NEBL: variants seen among roughly 807,000 people sequenced by gnomAD.
The protein encoded by NEBL is LIM and SH3 protein 2.
Under a neutral mutation model 140.2 loss-of-function variants are expected in NEBL, and 122 were observed. The ratio of observed to expected loss-of-function variants is 0.87; its 90% CI spans 0.75 to 1.01. NEBL has a LOEUF of 1.01. Among genes scored for constraint, NEBL ranks in the 50% least tolerant of loss-of-function variants. The pLI is 0.00. For missense variants in NEBL, 1,365 were observed against 1,231.3 expected, an observed-to-expected ratio of 1.11 and a Z score of -1.62; for synonymous variants, 436 against 398.9, an observed-to-expected ratio of 1.09 and a Z score of -1.11.
chr10:21,243,298 CTT>C (rs34974511), intron 3 of NEBL, among the ~76,000 whole-genome samples: 3,346 of 122,452 alleles, frequency 0.027, 118 homozygotes, highest in African/African-American at 0.092. Flanking sequence ...ATTGAGCATT[CTT>C]TTTTTTTTTT....
chr10:21,222,284 CAA>C (rs71509092), intron 3 of NEBL, among the ~76,000 whole-genome samples: 13 of 120,060 alleles, frequency 1.1e-4, no homozygotes, highest in African/African-American at 8.8e-5. Flanking sequence ...CTGTCTCTAC[CAA>C]AAAAAAAAAA....
chr10:21,146,346 T>C (rs1384686679), intron 2 of NEBL: 1 of 1,611,422 alleles, frequency 6.2e-7, no homozygotes, highest in Non-Finnish European at 8.5e-7. Flanking sequence ...CTCTACCTGT[T>C]CATGTCTGGA....
chr10:20,842,555 A>G (rs1841496532), intron 12 of NEBL, among the ~76,000 whole-genome samples: 1 of 152,114 alleles, frequency 6.6e-6, no homozygotes, highest in Non-Finnish European at 1.5e-5. Context: ...TTTTCAAATT[A>G]GACAAGCTAT....
chr10:21,026,816 G>C (rs1328710215), intron 2 of NEBL, among the ~76,000 whole-genome samples: 1 of 152,158 alleles, frequency 6.6e-6, no homozygotes, highest in Non-Finnish European at 1.5e-5. Context: ...AATTTGGGGA[G>C]GGTTTTCTAC....
intron 1 of NEBL, among the ~76,000 whole-genome samples, chr10:21,291,504 T>TAA (rs747203288): frequency 4.7e-4 from 55 of 116,592 alleles, no homozygotes; most frequent in Non-Finnish European, 8.5e-4. Flanking sequence ...AGACTCTGTC[T>TAA]AAAAAAAAAA....
chr10:21,114,846 G>A (rs1838207736), intron 2 of NEBL, among the ~76,000 whole-genome samples: 1 of 150,230 alleles, frequency 6.7e-6, no homozygotes, highest in African/African-American at 2.5e-5. Context: ...TTTTAATCCA[G>A]TCTGACAGAG....
At chr10:20,795,972 C>G (rs1449617474) in intron 26 of NEBL, among the ~76,000 whole-genome samples, 3 of 152,154 alleles carry the variant, frequency 2.0e-5, no homozygotes. Context: ...TGCCTGTGAA[C>G]TGCAAAAGGA....
At position 20,784,062 on chromosome 10, in the gene NEBL, T is replaced by C. The variant is rs933080509; in HGVS notation, c.*1685A>G. The C allele has an allele frequency of 1.3e-5, 2 of 152,236 alleles. No homozygotes were observed. Among genetic ancestry groups the C allele is most frequent in the African/African-American group, 4.8e-5 (2 of 41,466 alleles). 9.4% of individuals were successfully genotyped at this position (152,236 alleles called of 1,614,324 possible). A position where few individuals can be genotyped will look rare whatever the true frequency, so the allele number is the denominator to read the frequency against. Reference sequence around the variant, plus strand: ...GTGGAAATAAATTAGCTTTGGCCTTTGGACTAGTAAACGTTTCCTTAAACG... The same window carrying C: ...GTGGAAATAAATTAGCTTTGGCCTTCGGACTAGTAAACGTTTCCTTAAACG... On this transcript the variant is annotated 3_prime_UTR_variant, in exon 28 of 28. Transcript: ENST00000377122.
chr10:20,932,113 A>C (rs1191348111), intron 4 of NEBL, among the ~76,000 whole-genome samples: 1 of 152,138 alleles, frequency 6.6e-6, no homozygotes. Flanking sequence ...GCAAAACTTA[A>C]ATTCATCTTC....
At chr10:21,125,502 T>A (rs1838781819) in intron 2 of NEBL, among the ~76,000 whole-genome samples, 1 of 152,174 alleles carries the variant, frequency 6.6e-6, no homozygotes, top group Non-Finnish European at 1.5e-5. Flanking sequence ...CATTCTTGCC[T>A]TTTTTCCTGC....
At chr10:20,808,488 G>A (rs767194557) in intron 26 of NEBL, 22 bp downstream of exon 26, 1 of 1,612,300 alleles carries the variant, frequency 6.2e-7, no homozygotes, top group Non-Finnish European at 8.5e-7. Context: ...GATTTTCTTT[G>A]TAAGCAGTGA....
chr10:20,940,750 G>A, intron 4 of NEBL, among the ~76,000 whole-genome samples: 2 of 150,556 alleles, frequency 1.3e-5, no homozygotes, highest in Non-Finnish European at 3.0e-5. Flanking sequence ...ATGATAAAGG[G>A]GATATCACCA....
At position 21,274,128 on chromosome 10, in the gene NEBL, G is replaced by A. The variant is rs61554633; in HGVS notation, n.182+18702C>T. Among the ~76,000 whole-genome samples, 1,086 of 152,242 alleles carry A rather than the reference G, an allele frequency of 7.1e-3. 18 individuals are homozygous for A. Among genetic ancestry groups the A allele is most frequent in the African/African-American group, 0.025 (1,026 of 41,544 alleles). ...TTTCTTGCTTTGAAAGCAAGGTGCC[G>A]GTTTAGAGAGGCCCAGTAACAAGAA... On this transcript the variant is annotated intron_variant and non_coding_transcript_variant, in intron 1 of 8. Coordinates refer to the NEBL transcript ENST00000675702.
At chr10:20,963,929 G>C (rs1836175699) in intron 3 of NEBL, among the ~76,000 whole-genome samples, 3 of 152,132 alleles carry the variant, frequency 2.0e-5, no homozygotes, top group African/African-American at 7.2e-5. Context: ...CAGCCCACCA[G>C]TATTTCTTTA....
At chr10:20,999,750 A>C (rs1315506163) in intron 3 of NEBL, among the ~76,000 whole-genome samples, 1 of 152,208 alleles carries the variant, frequency 6.6e-6, no homozygotes, top group Non-Finnish European at 1.5e-5. Context: ...ATGTTCTCTT[A>C]CAACCCCCGC....
At chr10:21,098,445 C>A (rs886500987) in intron 2 of NEBL, among the ~76,000 whole-genome samples, 1 of 152,122 alleles carries the variant, frequency 6.6e-6, no homozygotes, top group African/African-American at 2.4e-5. Flanking sequence ...TCAGGAAACC[C>A]AATGGTATTT....
intron 3 of NEBL, among the ~76,000 whole-genome samples, chr10:21,206,865 C>A (rs1264489764): frequency 5.3e-5 from 8 of 151,300 alleles, no homozygotes; most frequent in African/African-American, 1.7e-4. Flanking sequence ...AATTCAGGAC[C>A]AGAAAAAAAC....
intron 3 of NEBL, among the ~76,000 whole-genome samples, chr10:20,967,958 G>A (rs974293654): frequency 1.3e-5 from 2 of 152,208 alleles, no homozygotes; most frequent in Admixed American, 6.5e-5. Flanking sequence ...AAAAACATGA[G>A]TGGGAGAAGA....
intron 3 of NEBL, among the ~76,000 whole-genome samples, chr10:21,016,751 T>A (rs935977593): frequency 6.6e-5 from 10 of 152,328 alleles, no homozygotes; most frequent in Middle Eastern, 6.8e-3. Flanking sequence ...GAACTCCAGA[T>A]ATCAAAACTC....
Sources: allele counts gnomAD v4.1 joint callset (sites outside exome capture counted in the v4.1 genomes callset), GRCh38; gene constraint gnomAD v4.1.1; transcripts MANE v1.5; gene names NCBI Gene and HGNC (gene_info 2026-07-23, HGNC 2026-07-21).